Variants in MAGI1 observed in about 807,000 individuals in gnomAD.
MAGI1 encodes membrane-associated guanylate kinase, WW and PDZ domain-containing protein 1.
Under a neutral mutation model 139.9 loss-of-function variants are expected in MAGI1, and 58 were observed. The observed-to-expected ratio is 0.41, with a 90% CI of 0.34 to 0.52. The LOEUF (loss-of-function observed/expected upper bound fraction) is 0.52. Ranked by LOEUF, MAGI1 falls within the 20% of genes least tolerant of loss-of-function variation. The pLI, the probability that MAGI1 is intolerant of heterozygous loss-of-function variation, is 0.12. For synonymous variants in MAGI1, 812 were observed against 737.9 expected, an observed-to-expected ratio of 1.10 and a Z score of -1.63; for missense variants, 1,874 against 1,901.6, an observed-to-expected ratio of 0.99 and a Z score of 0.27.
chr3:65,919,847 T>A (rs1369392786), intron 1 of MAGI1, among the ~76,000 whole-genome samples: 1 of 152,172 alleles, frequency 6.6e-6, no homozygotes, highest in South Asian at 2.1e-4. Flanking sequence ...CTTTGAACAC[T>A]AGAACTCTCA....
chr3:65,844,865 T>A (rs937397573), intron 1 of MAGI1, among the ~76,000 whole-genome samples: 17 of 152,128 alleles, frequency 1.1e-4, no homozygotes, highest in Admixed American at 1.1e-3. Context: ...CTAACTCCAC[T>A]CTTAAAGTTT....
intron 5 of MAGI1, among the ~76,000 whole-genome samples, chr3:65,455,416 GA>G (rs1949325464): frequency 6.6e-6 from 1 of 152,044 alleles, no homozygotes; most frequent in Non-Finnish European, 1.5e-5. Flanking sequence ...GTCATTTCAA[GA>G]AGGTTATATA....
chr3:65,974,898 T>C (rs2065190690), intron 1 of MAGI1, among the ~76,000 whole-genome samples: 2 of 152,254 alleles, frequency 1.3e-5, no homozygotes, highest in South Asian at 4.1e-4. Context: ...TGCACGAAGG[T>C]GTAAATACAA....
At chr3:65,976,351 A>G (rs188785854) in intron 1 of MAGI1, among the ~76,000 whole-genome samples, 5 of 152,232 alleles carry the variant, frequency 3.3e-5, no homozygotes, top group African/African-American at 1.2e-4. Context: ...TTTTTGGGCC[A>G]GGCATGGTGG....
chr3:65,470,313 T>C lies in MAGI1; in HGVS notation c.929A>G (p.Tyr310Cys), dbSNP rs749076951. ...GPLPENWEMAYTENGEVYFID... is the reference protein window; with the variant it reads ...GPLPENWEMACTENGEVYFID... Reference sequence around the variant, plus strand: ...AAAATAGACTTCTCCATTTTCAGTATAGGCCATCTCCCAGTTTTCAGGTAG... The same window carrying C: ...AAAATAGACTTCTCCATTTTCAGTACAGGCCATCTCCCAGTTTTCAGGTAG... The change falls in exon 5 of 23, where the codon TAT becomes TGT. Residue 310 changes from tyrosine (Y) to cysteine (C), a missense_variant. Physicochemically the swap from Tyr to Cys is radical, Grantham distance 194 (BLOSUM62 -2). Around this residue, in one of 5 missense-constraint regions of MAGI1, gnomAD observed 648 missense variants for 598.1 expected, o/e 1.08. Transcript: ENST00000402939. 7 of 1,612,622 alleles carry C rather than the reference T, an allele frequency of 4.3e-6. No individual in the cohort carries two copies. The South Asian group carries it at 5.5e-5, about 13-fold the overall frequency.
chr3:65,633,414 G>C (rs867400257), intron 1 of MAGI1, among the ~76,000 whole-genome samples: 1 of 152,144 alleles, frequency 6.6e-6, no homozygotes. Context: ...GAGAGGCTGC[G>C]AGACAGATTT....
At chr3:65,860,667 C>A (rs1359383889) in intron 1 of MAGI1, among the ~76,000 whole-genome samples, 2 of 152,182 alleles carry the variant, frequency 1.3e-5, no homozygotes, top group African/African-American at 2.4e-5. Context: ...CTGTCCTCCC[C>A]GTGGCAGCCA....
intron 1 of MAGI1, among the ~76,000 whole-genome samples, chr3:65,744,506 C>G (rs2035533919): frequency 6.6e-6 from 1 of 152,158 alleles, no homozygotes; most frequent in Admixed American, 6.5e-5. Context: ...ATGAATGAGT[C>G]TGGTTAGAAT....
intron 1 of MAGI1, among the ~76,000 whole-genome samples, chr3:65,821,357 A>AC (rs1259195219): frequency 6.6e-6 from 1 of 152,084 alleles, no homozygotes; most frequent in Non-Finnish European, 1.5e-5. Flanking sequence ...TGTTTATGTG[A>AC]CTGGTATCCT....
chr3:65,736,243 T>C (rs2034718254), intron 1 of MAGI1, among the ~76,000 whole-genome samples: 1 of 152,194 alleles, frequency 6.6e-6, no homozygotes. Context: ...CCAGCAAAAG[T>C]AGCAGCTTCA....
At chr3:65,499,895 T>C (rs553426294) in intron 2 of MAGI1, among the ~76,000 whole-genome samples, 1 of 152,320 alleles carries the variant, frequency 6.6e-6, no homozygotes, top group Admixed American at 6.5e-5. Context: ...ACAACTCTCA[T>C]GCTCCAAATG....
intron 1 of MAGI1, among the ~76,000 whole-genome samples, chr3:65,850,931 A>G (rs935486920): frequency 3.3e-5 from 5 of 152,078 alleles, no homozygotes; most frequent in Non-Finnish European, 5.9e-5. Flanking sequence ...ACATGGTGAA[A>G]CCCTGTCTCT....
chr3:65,609,384 T>C (rs1172034697), intron 2 of MAGI1, among the ~76,000 whole-genome samples: 1 of 151,882 alleles, frequency 6.6e-6, no homozygotes, highest in Non-Finnish European at 1.5e-5. Context: ...TTCAAGCAGT[T>C]CTCCTGCCTC....
At chr3:65,939,217 T>C (rs914822213) in intron 1 of MAGI1, among the ~76,000 whole-genome samples, 1 of 152,194 alleles carries the variant, frequency 6.6e-6, no homozygotes, top group African/African-American at 2.4e-5. Context: ...TCTTTCTATT[T>C]CCCTTTTTTA....
Position 65,543,572 on chromosome 3 carries a change from T to C in MAGI1, c.431-49941A>G, listed in dbSNP as rs56122934. 9.3e-3 allele frequency among the ~76,000 whole-genome samples: 1,420 copies of C among 152,186 alleles called. 31 individuals carry two copies. Among genetic ancestry groups the C allele is most frequent in the African/African-American group, 0.033 (1,378 of 41,506 alleles). On this transcript the variant is annotated intron_variant, in intron 2 of 22. Transcript: ENST00000402939. ...TATACCATGGAATACTATGCAGCCA[T>C]AGAAAAGGATGAGTTCATGTCCTTT...
At chr3:65,388,626 T>A (rs957249835) in intron 14 of MAGI1, among the ~76,000 whole-genome samples, 3 of 152,026 alleles carry the variant, frequency 2.0e-5, no homozygotes, top group African/African-American at 7.2e-5. Flanking sequence ...ATAATTACCA[T>A]GGGGGCCAGG....
intron 22 of MAGI1, chr3:65,360,526 T>C (rs906698787): frequency 1.0e-6 from 1 of 983,624 alleles, no homozygotes. Context: ...GCTTTCCTCA[T>C]AGGAAAGGTA....
intron 2 of MAGI1, among the ~76,000 whole-genome samples, chr3:65,578,049 T>C (rs1351757037): frequency 6.6e-6 from 1 of 152,230 alleles, no homozygotes. Context: ...CTACCCAGCA[T>C]GCCTGCTTGT....
At chr3:65,688,184 C>T in intron 1 of MAGI1, 1 of 765,766 alleles carries the variant, frequency 1.3e-6, no homozygotes, top group Non-Finnish European at 2.3e-6. Flanking sequence ...AGAGCGGCAA[C>T]TTCAGAGTAC....
Sources: allele counts gnomAD v4.1 joint callset (sites outside exome capture counted in the v4.1 genomes callset), GRCh38; gene constraint gnomAD v4.1.1; regional missense constraint gnomAD v4.1.1; transcripts MANE v1.5; gene names NCBI Gene and HGNC (gene_info 2026-07-23, HGNC 2026-07-21).